The following TENM4 variants were observed in gnomAD, a reference collection of about 807,000 sequenced individuals.
TENM4 encodes the protein teneurin-4.
In TENM4, 82 loss-of-function variants were observed where a neutral mutation model predicts 243.3. That is an observed-to-expected ratio of 0.34 (90% CI 0.28 to 0.40). The LOEUF (loss-of-function observed/expected upper bound fraction) is 0.40, where lower values mean the gene tolerates loss of function less well. TENM4 is among the 10% of genes least tolerant of loss of function. The probability of loss-of-function intolerance (pLI) is 1.00; values close to 1 mark genes in which losing one functional copy is unlikely to be tolerated. For missense variants in TENM4, 3,138 were observed against 3,673.3 expected (o/e 0.85, Z 3.77); for synonymous variants, 1,412 against 1,456.3 (o/e 0.97, Z 0.69).
At chr11:78,738,298 T>C (rs377584420) in intron 20 of TENM4, among the ~76,000 whole-genome samples, 153 bp downstream of exon 20, 13 of 152,236 alleles carry the variant, frequency 8.5e-5, no homozygotes, top group Admixed American at 7.9e-4. Context: ...TACAAGGTCA[T>C]ACAATTAGTA....
chr11:79,263,915 C>T lies in TENM4; in HGVS notation c.-265+33573G>A, dbSNP rs531638649. Among the ~76,000 whole-genome samples the T allele has an allele frequency of 1.5e-3, 222 of 152,230 alleles. 1 individual carries two copies. Among genetic ancestry groups the T allele is most frequent in the African/African-American group, 4.5e-3 (188 of 41,536 alleles). ...CCTAGACCTCCCTATGCATGGCCTA[C>T]GGGGCTTCGCATCCCTTGAATATGG... is the stretch of plus-strand genomic sequence containing the variant. On this transcript the variant is annotated intron_variant, in intron 2 of 33. Coordinates refer to ENST00000278550, the MANE Select transcript of TENM4 (RefSeq NM_001098816.3).
intron 6 of TENM4, among the ~76,000 whole-genome samples, chr11:78,907,205 TCCCAAAGAG>T (rs1346740288): frequency 2.0e-5 from 3 of 151,102 alleles, no homozygotes; most frequent in Admixed American, 2.0e-4. Context: ...AACATTAACT[TCCCAAAGAG>T]CAAATGTTTC....
intron 1 of TENM4, among the ~76,000 whole-genome samples, chr11:79,337,778 C>T (rs4945342): frequency 0.17 from 26,422 of 152,134 alleles, 2,377 homozygotes; most frequent in Non-Finnish European, 0.19. Flanking sequence ...GAGACCTTAT[C>T]ACAGCCATCC....
At chr11:78,785,600 G>GACA (rs1856919524) in intron 16 of TENM4, among the ~76,000 whole-genome samples, 1 of 152,128 alleles carries the variant, frequency 6.6e-6, no homozygotes, top group African/African-American at 2.4e-5. Flanking sequence ...TTGTAAGGAG[G>GACA]ATAAAATAAT....
At chr11:78,910,652 G>A (rs1856164558) in intron 6 of TENM4, among the ~76,000 whole-genome samples, 1 of 152,204 alleles carries the variant, frequency 6.6e-6, no homozygotes, top group Non-Finnish European at 1.5e-5. Flanking sequence ...TCTTGTGCAA[G>A]AGTTAGAGAA....
intron 2 of TENM4, among the ~76,000 whole-genome samples, chr11:79,218,372 C>T (rs914304637): frequency 6.6e-6 from 1 of 152,060 alleles, no homozygotes; most frequent in Admixed American, 6.5e-5. Flanking sequence ...TGTCTGGTGG[C>T]TTTTAGGACA....
chr11:79,406,182 C>G (rs181847449), intron 1 of TENM4, among the ~76,000 whole-genome samples: 9 of 152,278 alleles, frequency 5.9e-5, no homozygotes, highest in African/African-American at 2.2e-4. Context: ...GCATGAGGCT[C>G]CTTCCATCTT....
chr11:79,188,131 C>G (rs565373852), intron 3 of TENM4, among the ~76,000 whole-genome samples: 1 of 152,350 alleles, frequency 6.6e-6, no homozygotes, highest in Non-Finnish European at 1.5e-5. Flanking sequence ...CCAGTGAGCT[C>G]TCTTCACGAA....
Position 79,127,314 on chromosome 11 carries a change from C to T in TENM4, c.-66+21396G>A, listed in dbSNP as rs569742409. Among the ~76,000 whole-genome samples, 21 of 152,296 alleles carry T rather than the reference C, an allele frequency of 1.4e-4. No homozygotes were observed. In the South Asian group the frequency reaches 3.7e-3, roughly 27 times the overall value. On this transcript the variant is annotated intron_variant, in intron 4 of 33. Transcript: ENST00000278550. ...CTTGAAAGATGCAGGGGTGGTGATT[C>T]CCACCACATTCCTGTTCAACTCTCT...
intron 6 of TENM4, among the ~76,000 whole-genome samples, chr11:79,024,219 C>A (rs187295094): frequency 7.9e-5 from 12 of 152,314 alleles, no homozygotes; most frequent in African/African-American, 2.9e-4. Flanking sequence ...GTCCACCTGC[C>A]TGTAACACCT....
intron 3 of TENM4, among the ~76,000 whole-genome samples, chr11:79,175,496 A>G (rs1863142779): frequency 6.6e-6 from 1 of 152,242 alleles, no homozygotes; most frequent in Non-Finnish European, 1.5e-5. Context: ...ACAGGACGCA[A>G]TACAATGCAG....
chr11:79,437,714 C>T (rs904576219), intron 1 of TENM4, among the ~76,000 whole-genome samples: 2 of 152,108 alleles, frequency 1.3e-5, no homozygotes, highest in African/African-American at 4.8e-5. Context: ...GGGCCCGGCT[C>T]GCCGGGAAAC....
chr11:79,294,509 T>C (rs1856412888), intron 2 of TENM4, among the ~76,000 whole-genome samples: 1 of 152,032 alleles, frequency 6.6e-6, no homozygotes, highest in Non-Finnish European at 1.5e-5. Flanking sequence ...TCAACATCAG[T>C]TTTCTGCAAT....
At chr11:78,674,728 T>C (rs910556890) in intron 30 of TENM4, among the ~76,000 whole-genome samples, 1 of 152,044 alleles carries the variant, frequency 6.6e-6, no homozygotes, top group Non-Finnish European at 1.5e-5. Flanking sequence ...GGGGAGCTAG[T>C]GCAAGGCTGT....
At chr11:79,243,656 C>T (rs962056865) in intron 2 of TENM4, among the ~76,000 whole-genome samples, 1 of 152,222 alleles carries the variant, frequency 6.6e-6, no homozygotes, top group African/African-American at 2.4e-5. Flanking sequence ...ACCCGCTCAC[C>T]AGGGACAGGC....
At chr11:78,755,728 C>T (rs1019515365) in intron 19 of TENM4, among the ~76,000 whole-genome samples, 6 of 152,278 alleles carry the variant, frequency 3.9e-5, no homozygotes, top group Non-Finnish European at 8.8e-5. Context: ...TGCAGCATCC[C>T]GCAGACACAA....
At chr11:79,183,912 T>C (rs1863334990) in intron 3 of TENM4, among the ~76,000 whole-genome samples, 1 of 152,198 alleles carries the variant, frequency 6.6e-6, no homozygotes, top group South Asian at 2.1e-4. Flanking sequence ...GGTGGGAATG[T>C]AAAATAGTGT....
intron 30 of TENM4, among the ~76,000 whole-genome samples, chr11:78,675,193 G>C (rs756763931): frequency 1.3e-5 from 2 of 152,088 alleles, no homozygotes; most frequent in Admixed American, 1.3e-4. Flanking sequence ...CCACCACCTC[G>C]CTATGAGACT....
At chr11:79,153,664 G>A (rs931539431) in intron 3 of TENM4, among the ~76,000 whole-genome samples, 1 of 152,162 alleles carries the variant, frequency 6.6e-6, no homozygotes, top group Non-Finnish European at 1.5e-5. Flanking sequence ...AAGGGGAAGG[G>A]TAGTTTTCTG....
Sources: gnomAD v4.1 joint callset for allele counts (sites outside exome capture counted in the v4.1 genomes callset) on GRCh38, gnomAD v4.1.1 for gene constraint, MANE v1.5 for transcripts, NCBI Gene and HGNC (gene_info 2026-07-23, HGNC 2026-07-21) for gene names.